The following OSBP2 variants were observed in gnomAD, a reference collection of about 807,000 sequenced individuals.
OSBP2 encodes the protein oxysterol binding protein 2, also known as oxysterol-binding protein 2.
Under a neutral mutation model 96.0 loss-of-function variants are expected in OSBP2, and 66 were observed. That is an observed-to-expected ratio of 0.69 (90% CI 0.56 to 0.84). OSBP2 has a LOEUF of 0.84. OSBP2 is among the 40% of genes least tolerant of loss of function. OSBP2 has a pLI of 0.00. For missense variants in OSBP2, 1,038 were observed against 1,222.7 expected (o/e 0.85, Z 2.25); for synonymous variants, 525 against 520.9 (o/e 1.01, Z -0.11).
At chr22:30,694,825 C>A, upstream of OSBP2, 4 of 573,378 alleles carry the variant, frequency 7.0e-6, no homozygotes, top group Non-Finnish European at 8.9e-6. Flanking sequence ...TCGCGCCGCG[C>A]GCACGTGACT....
intron 1 of OSBP2, among the ~76,000 whole-genome samples, chr22:30,722,534 T>A (rs1369184871): frequency 6.6e-6 from 1 of 152,136 alleles, no homozygotes; most frequent in East Asian, 1.9e-4. Context: ...TTATCAAATA[T>A]CTAGTCAATA....
chr22:30,896,800 C>G (rs1037085375), intron 12 of OSBP2, among the ~76,000 whole-genome samples: 4 of 152,066 alleles, frequency 2.6e-5, no homozygotes, highest in Admixed American at 6.6e-5. Flanking sequence ...CATGCACCAC[C>G]ATGCCTGGCT....
At chr22:30,837,276 AAAG>A (rs1229518017) in intron 2 of OSBP2, among the ~76,000 whole-genome samples, 4 of 151,690 alleles carry the variant, frequency 2.6e-5, no homozygotes, top group Non-Finnish European at 2.9e-5. Context: ...AAAAAAAAAA[AAAG>A]AAAGAAAGTT....
At chr22:30,696,903 C>G (rs796453472) in intron 1 of OSBP2, among the ~76,000 whole-genome samples, 78 of 152,248 alleles carry the variant, frequency 5.1e-4, no homozygotes, top group African/African-American at 1.7e-3. Flanking sequence ...AGGTGATTCG[C>G]CTGCCTCGGC....
At chr22:30,849,901 A>C (rs913513757) in intron 2 of OSBP2, among the ~76,000 whole-genome samples, 3 of 152,222 alleles carry the variant, frequency 2.0e-5, no homozygotes, top group Admixed American at 6.5e-5. Context: ...ATGGGGTGAC[A>C]TAGTTGTCAA....
chr22:30,870,504 C>T lies in OSBP2; in HGVS notation c.929C>T (p.Ser310Phe). 2 of 1,614,116 alleles carry T rather than the reference C, an allele frequency of 1.2e-6. No individual in the cohort carries two copies. The highest frequency in any genetic ancestry group is 1.7e-6 in the Non-Finnish European group (2 of 1,180,032). The change falls in exon 3 of 14, where the codon TCC becomes TTC. Residue 310 changes from serine (S) to phenylalanine (F), a missense_variant. Transcript: ENST00000332585. This position sits in a 1 kb window ranked among gnomAD's most constrained non-coding sequence, Gnocchi z 4.1. ...SELHHTLKNL[S>F]LKLDDLSTCN... ...CTGCACCACACCCTGAAGAATCTTTCCCTGAAGTTAGATGACCTCAGCACG... is the reference window on the plus strand; with the variant it reads ...CTGCACCACACCCTGAAGAATCTTTTCCTGAAGTTAGATGACCTCAGCACG...
At chr22:30,773,556 G>C (rs1210681248) in intron 2 of OSBP2, among the ~76,000 whole-genome samples, 1 of 152,186 alleles carries the variant, frequency 6.6e-6, no homozygotes, top group Non-Finnish European at 1.5e-5. Flanking sequence ...TGAATGCCCA[G>C]TGCCTACCAC....
At chr22:30,822,696 T>G (rs996660698) in intron 2 of OSBP2, 17 of 1,532,924 alleles carry the variant, frequency 1.1e-5, no homozygotes, top group Non-Finnish European at 1.5e-5. Context: ...GCTGCCTGAA[T>G]AAATTTAAGA....
At chr22:30,745,664 C>T (rs2089990738) in intron 2 of OSBP2, among the ~76,000 whole-genome samples, 1 of 77,626 alleles carries the variant, frequency 1.3e-5, no homozygotes, top group African/African-American at 5.7e-5. Context: ...GAGACTCTGT[C>T]TCAAAAAAAA....
At chr22:30,720,128 A>T (rs370227685) in intron 1 of OSBP2, among the ~76,000 whole-genome samples, 6 of 152,156 alleles carry the variant, frequency 3.9e-5, no homozygotes, top group Non-Finnish European at 7.3e-5. Flanking sequence ...TCCCTTCCAC[A>T]TGGATGTACT....
intron 2 of OSBP2, among the ~76,000 whole-genome samples, chr22:30,774,058 G>A (rs2090394663): frequency 6.6e-6 from 1 of 152,116 alleles, no homozygotes; most frequent in Non-Finnish European, 1.5e-5. Context: ...CCGAGTGGAG[G>A]ACCAGTGTCA....
intron 1 of OSBP2, among the ~76,000 whole-genome samples, chr22:30,708,700 C>A (rs1356287517): frequency 6.6e-6 from 1 of 150,908 alleles, no homozygotes; most frequent in African/African-American, 2.4e-5. Flanking sequence ...GTTGGCCAGG[C>A]TGGTCTGGAA....
chr22:30,831,884 G>A (rs930044704), intron 2 of OSBP2, among the ~76,000 whole-genome samples: 1 of 152,192 alleles, frequency 6.6e-6, no homozygotes, highest in Non-Finnish European at 1.5e-5. Flanking sequence ...CACCACAGGA[G>A]AACCTGTTAA....
chr22:30,883,267 C>T (rs2039739496), intron 3 of OSBP2, among the ~76,000 whole-genome samples: 1 of 152,232 alleles, frequency 6.6e-6, no homozygotes, highest in Non-Finnish European at 1.5e-5. Flanking sequence ...GGGGATCGTG[C>T]CTTGTGTGGA....
At position 30,870,515 on chromosome 22, in the gene OSBP2, GATGACCTCAGCACGTGCA is replaced by G. The variant is rs1487399334; in HGVS notation, c.950_967del (p.Ser317_Leu322del). On this transcript the variant is annotated inframe_deletion, in exon 3 of 14. Coordinates refer to ENST00000332585, the MANE Select transcript of OSBP2 (RefSeq NM_030758.4). This position sits in a 1 kb window ranked among gnomAD's most constrained non-coding sequence, Gnocchi z 4.1. ...CCTGAAGAATCTTTCCCTGAAGTTA[GATGACCTCAGCACGTGCA>G]ATGACCTCATCGCCAAGCACGGCGC... The G allele has an allele frequency of 6.2e-7, 1 of 1,614,100 alleles. No homozygotes were observed. Among genetic ancestry groups the G allele is most frequent in the Non-Finnish European group, 8.5e-7 (1 of 1,180,032 alleles).
At chr22:30,779,566 G>A (rs1203725988) in intron 2 of OSBP2, among the ~76,000 whole-genome samples, 1 of 152,094 alleles carries the variant, frequency 6.6e-6, no homozygotes, top group Non-Finnish European at 1.5e-5. Flanking sequence ...GGGCGGTATG[G>A]TCACCTAGCA....
intron 2 of OSBP2, among the ~76,000 whole-genome samples, chr22:30,802,284 G>C (rs569433529): frequency 3.3e-5 from 5 of 152,212 alleles, no homozygotes; most frequent in Non-Finnish European, 7.3e-5. Context: ...GCGGTTCTGC[G>C]AGATGTCATC....
chr22:30,852,772 A>G (rs1195112519), intron 2 of OSBP2, among the ~76,000 whole-genome samples: 2 of 152,174 alleles, frequency 1.3e-5, no homozygotes, highest in African/African-American at 4.8e-5. Flanking sequence ...ATATAAAGCT[A>G]TGAATTTTCC....
rs1266238566 is a variant in OSBP2, at chr22:30,730,814, T to TA, written c.645-10347_645-10346insA. On this transcript the variant is annotated intron_variant, in intron 1 of 13. Transcript: ENST00000332585. Reference sequence around the variant, plus strand: ...TATATATATATATATATATAATTTTTTTTTTTTTTCCCATGGACATTTTTG... The same window carrying TA: ...TATATATATATATATATATAATTTTTATTTTTTTTTCCCATGGACATTTTTG... 1.2e-4 allele frequency among the ~76,000 whole-genome samples: 10 copies of TA among 83,916 alleles called. 1 individual carries two copies. The highest frequency in any genetic ancestry group is 1.8e-4 in the Non-Finnish European group (8 of 44,416). 55.1% of individuals were successfully genotyped at this position (83,916 alleles called of 152,430 possible). A position where few individuals can be genotyped will look rare whatever the true frequency, so the allele number is the denominator to read the frequency against.
Sources: allele counts gnomAD v4.1 joint callset (sites outside exome capture counted in the v4.1 genomes callset), GRCh38; gene constraint gnomAD v4.1.1; non-coding constraint Gnocchi (gnomAD v3.1); transcripts MANE v1.5; gene names NCBI Gene and HGNC (gene_info 2026-07-23, HGNC 2026-07-21).